The following LHFPL2 variants were observed in gnomAD, a reference collection of about 807,000 sequenced individuals.
LHFPL2 encodes LHFPL tetraspan subfamily member 2 protein.
LHFPL2 carries 7 observed loss-of-function variants against 17.5 expected under a neutral mutation model. The ratio of observed to expected loss-of-function variants is 0.40; its 90% confidence interval spans 0.23 to 0.75. The LOEUF is 0.75. LHFPL2 is among the 30% of genes least tolerant of loss of function. The pLI is 0.37. For missense variants in LHFPL2, 241 were observed against 294.8 expected, an observed-to-expected ratio of 0.82 and a Z score of 1.34; for synonymous variants, 134 against 116.2, an observed-to-expected ratio of 1.15 and a Z score of -0.99.
intron 4 of LHFPL2, among the ~76,000 whole-genome samples, chr5:78,501,673 C>A (rs758247008): frequency 1.3e-5 from 2 of 152,184 alleles, no homozygotes; most frequent in African/African-American, 4.8e-5. Flanking sequence ...AAGTGATCCT[C>A]CTGCCCGTGT....
At chr5:78,556,888 A>G (rs767632773) in intron 3 of LHFPL2, among the ~76,000 whole-genome samples, 3 of 152,142 alleles carry the variant, frequency 2.0e-5, no homozygotes, top group Non-Finnish European at 4.4e-5. Flanking sequence ...CTGCATGCTT[A>G]TACATTTCTG....
chr5:78,514,717 G>C lies in LHFPL2; in HGVS notation c.-185-4319C>G, dbSNP rs78957868. Among the ~76,000 whole-genome samples, 565 of 152,306 alleles carry C rather than the reference G, an allele frequency of 3.7e-3. 6 individuals carry two copies. The highest frequency in any genetic ancestry group is 0.013 in the African/African-American group (545 of 41,560). On this transcript the variant is annotated intron_variant, in intron 3 of 4. Transcript: ENST00000380345. The stretch of plus-strand genomic sequence containing the variant: ...AACCTGAAGGATGTCAATCAAGGTT[G>C]CATCAAAAAGCTCTCACTCCCCACC...
At chr5:78,532,279 C>T (rs115291371) in intron 3 of LHFPL2, among the ~76,000 whole-genome samples, 2,879 of 152,110 alleles carry the variant, frequency 0.019, 81 homozygotes, top group African/African-American at 0.067. Context: ...AAGCTCATCT[C>T]GAACTCCTGG....
In LHFPL2 at chr5:78,588,477, G is replaced by A. The variant is rs116001978; in HGVS notation, c.-244-23606C>T. ...GCCACATATTGATTTAGTAACCTTGGGCAAATAACACCTCCATCTGGGTAC... is the reference window on the plus strand; with the variant it reads ...GCCACATATTGATTTAGTAACCTTGAGCAAATAACACCTCCATCTGGGTAC... On this transcript the variant is annotated intron_variant, in intron 2 of 4. Coordinates refer to ENST00000380345, the MANE Select transcript of LHFPL2 (RefSeq NM_005779.3). Among the ~76,000 whole-genome samples the A allele has an allele frequency of 6.5e-3, 984 of 152,050 alleles. 11 individuals are homozygous for A. The highest frequency in any genetic ancestry group is 0.023 in the African/African-American group (947 of 41,474).
intron 4 of LHFPL2, among the ~76,000 whole-genome samples, chr5:78,499,091 T>C (rs1205522145): frequency 6.6e-6 from 1 of 152,212 alleles, no homozygotes; most frequent in African/African-American, 2.4e-5. Flanking sequence ...GCCCATTTCC[T>C]TTCCAAGCAT....
intron 3 of LHFPL2, among the ~76,000 whole-genome samples, chr5:78,552,456 C>A (rs1408917925): frequency 1.3e-5 from 2 of 152,210 alleles, no homozygotes; most frequent in South Asian, 2.1e-4. Flanking sequence ...TTTTAGCTAA[C>A]CTTTGGGGGC....
chr5:78,576,422 T>G (rs1165762070), intron 2 of LHFPL2, among the ~76,000 whole-genome samples: 1 of 152,240 alleles, frequency 6.6e-6, no homozygotes, highest in Non-Finnish European at 1.5e-5. Flanking sequence ...CCTTTTGCTC[T>G]CCTGTCCGCT....
intron 1 of LHFPL2, among the ~76,000 whole-genome samples, chr5:78,632,686 T>A (rs1166589065): frequency 6.6e-6 from 1 of 152,200 alleles, no homozygotes; most frequent in Non-Finnish European, 1.5e-5. Context: ...AATGCCTGCA[T>A]AAACATGTGA....
At chr5:78,641,639 T>C (rs1175096131) in intron 1 of LHFPL2, among the ~76,000 whole-genome samples, 1 of 152,174 alleles carries the variant, frequency 6.6e-6, no homozygotes, top group Non-Finnish European at 1.5e-5. Context: ...TTATAACATG[T>C]TATTAAATCA....
chr5:78,565,158 G>T (rs73146006), intron 2 of LHFPL2, among the ~76,000 whole-genome samples: 1 of 152,064 alleles, frequency 6.6e-6, no homozygotes, highest in Admixed American at 6.6e-5. Flanking sequence ...CCTCACAAGG[G>T]GACCAACTTA....
chr5:78,602,203 T>A (rs1231424731), intron 2 of LHFPL2, among the ~76,000 whole-genome samples: 1 of 151,512 alleles, frequency 6.6e-6, no homozygotes, highest in African/African-American at 2.4e-5. Flanking sequence ...ATGATGGCAA[T>A]GAAGAAAGGA....
chr5:78,585,510 C>T (rs1561352786), intron 2 of LHFPL2, among the ~76,000 whole-genome samples: 2 of 152,182 alleles, frequency 1.3e-5, no homozygotes, highest in South Asian at 4.1e-4. Context: ...CACTGTCTGG[C>T]ACTCCCTAGT....
intron 3 of LHFPL2, chr5:78,548,878 G>A (rs937276757): frequency 6.6e-6 from 1 of 152,136 alleles, no homozygotes; most frequent in South Asian, 2.1e-4. Flanking sequence ...AACCAGAAAA[G>A]CCTCCTAGAA....
chr5:78,583,242 C>T (rs1743219597), intron 2 of LHFPL2, among the ~76,000 whole-genome samples: 1 of 151,674 alleles, frequency 6.6e-6, no homozygotes, highest in African/African-American at 2.4e-5. Context: ...ATCCAATTTG[C>T]CAGTCTGTGT....
At chr5:78,555,158 A>C (rs991396602) in intron 3 of LHFPL2, among the ~76,000 whole-genome samples, 4 of 152,236 alleles carry the variant, frequency 2.6e-5, no homozygotes, top group African/African-American at 7.2e-5. Context: ...CAAGTCTTCA[A>C]ATCAAAGCCC....
At position 78,510,093 on chromosome 5, in the gene LHFPL2, G is replaced by A. The variant is rs1755064167; in HGVS notation, c.121C>T (p.Arg41Cys). The A allele has an allele frequency of 3.1e-6, 5 of 1,612,772 alleles. No homozygotes were observed. The highest frequency in any genetic ancestry group is 4.2e-6 in the Non-Finnish European group (5 of 1,179,442). Residue 41 changes from arginine to cysteine, a missense_variant, in exon 4 of 5, where the codon CGC (arginine) becomes TGC (cysteine). Arg to Cys is a radical substitution (Grantham distance 180, BLOSUM62 -3). Coordinates refer to ENST00000380345, the MANE Select transcript of LHFPL2 (RefSeq NM_005779.3). ...GGGCCCGCCGGCTCCACGCCGCCGC[G>A]GCTCCTCGCTTTCCCGATCAGCCAG... ...ADWLIGKARS[R>C]GGVEPAGPGG...
intron 2 of LHFPL2, among the ~76,000 whole-genome samples, chr5:78,597,538 G>T (rs921079684): frequency 1.3e-5 from 2 of 152,186 alleles, no homozygotes; most frequent in African/African-American, 4.8e-5. Flanking sequence ...GTGGGAGAGT[G>T]GTGAACTGAC....
chr5:78,614,741 C>A (rs1474460740), intron 2 of LHFPL2, among the ~76,000 whole-genome samples: 2 of 152,174 alleles, frequency 1.3e-5, no homozygotes, highest in Admixed American at 6.5e-5. Flanking sequence ...GACTTCGGAC[C>A]CTTTCAAATT....
rs1755071239 is a variant in LHFPL2 at position 78,510,241 on chromosome 5, A to G, written c.-28T>C. Reference sequence around the variant, plus strand: ...TGATGTTCCGGGCGAAGAAAGAGTCAGGAGTCCACGGAGTTAATCAAAACA... The same window carrying G: ...TGATGTTCCGGGCGAAGAAAGAGTCGGGAGTCCACGGAGTTAATCAAAACA... On this transcript the variant is annotated 5_prime_UTR_variant, in exon 4 of 5. Coordinates refer to ENST00000380345, the MANE Select transcript of LHFPL2 (RefSeq NM_005779.3). The G allele has an allele frequency of 2.6e-6, 4 of 1,552,390 alleles. No homozygotes were observed. The South Asian group carries it at 4.8e-5, about 19-fold the overall frequency.
Sources: allele counts gnomAD v4.1 joint callset (sites outside exome capture counted in the v4.1 genomes callset), GRCh38; gene constraint gnomAD v4.1.1; transcripts MANE v1.5; gene names NCBI Gene and HGNC (gene_info 2026-07-23, HGNC 2026-07-21).